GALNT13: variants seen among roughly 807,000 people sequenced by gnomAD.
The protein encoded by GALNT13 is UDP-GalNAc:polypeptide N-acetylgalactosaminyltransferase 13.
A neutral mutation model predicts 64.2 loss-of-function variants in GALNT13; 28 were observed. The observed-to-expected ratio is 0.44, with a 90% CI of 0.32 to 0.60. The LOEUF (loss-of-function observed/expected upper bound fraction) is 0.60. Among genes scored for constraint, GALNT13 ranks in the 20% least tolerant of loss-of-function variants. GALNT13 has a pLI of 0.05. For synonymous variants in GALNT13, 214 were observed against 224.6 expected, an observed-to-expected ratio of 0.95 and a Z score of 0.42; for missense variants, 577 against 669.8, an observed-to-expected ratio of 0.86 and a Z score of 1.53.
At chr2:153,887,678 T>C (rs1161420940) in intron 1 of GALNT13, among the ~76,000 whole-genome samples, 1 of 152,096 alleles carries the variant, frequency 6.6e-6, no homozygotes, top group Admixed American at 6.6e-5. Context: ...TATCTTCTAT[T>C]TGGGAATTTC....
the GALNT13 span, among the ~76,000 whole-genome samples, chr2:153,760,425 G>T: frequency 6.6e-6 from 1 of 151,456 alleles, no homozygotes; most frequent in African/African-American, 2.4e-5. Flanking sequence ...CATAAGTTTT[G>T]GTATGTTGTG....
intron 1 of GALNT13, among the ~76,000 whole-genome samples, chr2:153,888,084 T>C (rs1170640826): frequency 1.3e-5 from 2 of 152,120 alleles, no homozygotes; most frequent in African/African-American, 2.4e-5. Flanking sequence ...ATTCCACTTC[T>C]CTTTTCTTAT....
chr2:154,430,650 T>C (rs1207337957), intron 11 of GALNT13, among the ~76,000 whole-genome samples: 2 of 152,190 alleles, frequency 1.3e-5, no homozygotes, highest in African/African-American at 2.4e-5. Context: ...TAATTCAAAT[T>C]TTGAAAGAAG....
chr2:154,226,178 A>G (rs1688608654), intron 4 of GALNT13, among the ~76,000 whole-genome samples: 1 of 152,096 alleles, frequency 6.6e-6, no homozygotes, highest in Non-Finnish European at 1.5e-5. Context: ...TTTATTATGA[A>G]GCCTTTGTTT....
chr2:153,166,065 C>T, the GALNT13 span, among the ~76,000 whole-genome samples: 3 of 152,118 alleles, frequency 2.0e-5, no homozygotes, highest in Non-Finnish European at 4.4e-5. Flanking sequence ...GGAATTTACA[C>T]GAGTGGCATA....
the GALNT13 span, among the ~76,000 whole-genome samples, chr2:153,307,727 G>A: frequency 1.8e-4 from 27 of 152,112 alleles, no homozygotes; most frequent in South Asian, 6.2e-4. Flanking sequence ...AAAGTGGTGA[G>A]ATCATAGATT....
In GALNT13 at chr2:153,887,485, A is replaced by G. The variant is rs561017962; in HGVS notation, c.-176-13451A>G. Among the ~76,000 whole-genome samples, 5 of 151,826 alleles carry G rather than the reference A, an allele frequency of 3.3e-5. No homozygotes were observed. The South Asian group carries it at 1.0e-3, about 32-fold the overall frequency. ...TGGGACTGAAGCCAAGTGAAGTAGA[A>G]ACAGTAAAACTGTGTTAGTGAAATA... On this transcript the variant is annotated intron_variant, in intron 1 of 12. Transcript: ENST00000392825.
chr2:153,659,116 C>T, the GALNT13 span, among the ~76,000 whole-genome samples: 1 of 152,002 alleles, frequency 6.6e-6, no homozygotes, highest in Non-Finnish European at 1.5e-5. Flanking sequence ...ATTTTATGAA[C>T]AATTTTGTAT....
chr2:153,931,914 G>A (rs1690556740), intron 2 of GALNT13, among the ~76,000 whole-genome samples: 1 of 152,016 alleles, frequency 6.6e-6, no homozygotes, highest in African/African-American at 2.4e-5. Context: ...CTCAATTTTT[G>A]GGAAGAGATT....
chr2:153,644,198 A>G, the GALNT13 span, among the ~76,000 whole-genome samples: 5 of 152,104 alleles, frequency 3.3e-5, no homozygotes, highest in African/African-American at 4.8e-5. Flanking sequence ...GCTGGCTATA[A>G]GAACAATATT....
chr2:153,174,579 TTTACTA>T, the GALNT13 span, among the ~76,000 whole-genome samples: 3 of 152,174 alleles, frequency 2.0e-5, no homozygotes, highest in Admixed American at 1.3e-4. Flanking sequence ...CCTCTTGTAT[TTTACTA>T]TTGGTAACAA....
the GALNT13 span, among the ~76,000 whole-genome samples, chr2:153,505,827 T>C: frequency 1.3e-5 from 2 of 152,186 alleles, no homozygotes; most frequent in Non-Finnish European, 2.9e-5. Context: ...AGAATGTATA[T>C]TCTGCAGCTG....
intron 3 of GALNT13, among the ~76,000 whole-genome samples, chr2:153,966,283 C>G (rs140333962): frequency 7.1e-6 from 1 of 140,304 alleles, no homozygotes; most frequent in African/African-American, 2.7e-5. Flanking sequence ...TCCTGACTTA[C>G]AAGGTTTATA....
chr2:153,181,030 CTTT>C, the GALNT13 span, among the ~76,000 whole-genome samples: 4,199 of 32,184 alleles, frequency 0.13, 122 homozygotes, highest in East Asian at 0.19. Context: ...TTTATTGTTT[CTTT>C]TTTTTTTTTT....
the GALNT13 span, among the ~76,000 whole-genome samples, chr2:153,339,279 C>G: frequency 6.6e-6 from 1 of 152,172 alleles, no homozygotes; most frequent in Non-Finnish European, 1.5e-5. Context: ...CTTGCCAACA[C>G]TTATCATTTA....
the GALNT13 span, among the ~76,000 whole-genome samples, chr2:153,241,728 A>C: frequency 3.3e-5 from 5 of 152,046 alleles, no homozygotes; most frequent in African/African-American, 9.6e-5. Context: ...TGATTAATTG[A>C]AAAAAGGATT....
chr2:154,423,809 A>G (rs936072881), intron 11 of GALNT13, among the ~76,000 whole-genome samples: 8 of 152,148 alleles, frequency 5.3e-5, no homozygotes, highest in Admixed American at 4.6e-4. Flanking sequence ...TACAATGTGG[A>G]AGAGGATAGT....
the GALNT13 span, among the ~76,000 whole-genome samples, chr2:153,257,114 C>T: frequency 3.3e-5 from 5 of 152,198 alleles, no homozygotes; most frequent in African/African-American, 4.8e-5. Flanking sequence ...ACTCCCTGGG[C>T]GTAGGACCCT....
At chr2:154,408,265 A>G (rs918180442) in intron 10 of GALNT13, among the ~76,000 whole-genome samples, 1 of 152,118 alleles carries the variant, frequency 6.6e-6, no homozygotes. Context: ...ACAAATATGT[A>G]TTAACTTTAT....
Sources: gnomAD v4.1 joint callset for allele counts (sites outside exome capture counted in the v4.1 genomes callset) on GRCh38, gnomAD v4.1.1 for gene constraint, MANE v1.5 for transcripts, NCBI Gene and HGNC (gene_info 2026-07-23, HGNC 2026-07-21) for gene names.